The following SPI1 variants were observed in gnomAD, a reference collection of about 807,000 sequenced individuals.
The protein encoded by SPI1 is transcription factor PU.1.
In SPI1, 3 loss-of-function variants were observed where a neutral mutation model predicts 30.7. The ratio of observed to expected loss-of-function variants is 0.10; its 90% CI spans 0.04 to 0.25. The LOEUF is 0.25. Among genes scored for constraint, SPI1 ranks in the 10% least tolerant of loss-of-function variants. The pLI is 1.00. For missense variants in SPI1, 261 were observed against 371.5 expected, an observed-to-expected ratio of 0.70 and a Z score of 2.45; for synonymous variants, 169 against 157.1, an observed-to-expected ratio of 1.08 and a Z score of -0.56.
chr11:47,369,062 A>G (rs113778582), intron 2 of SPI1, among the ~76,000 whole-genome samples: 2 of 152,124 alleles, frequency 1.3e-5, no homozygotes, highest in African/African-American at 2.4e-5. Context: ...CCTGGCCAAC[A>G]TGGTGAAACC....
Position 47,375,825 on chromosome 11 carries a change from G to A in SPI1, c.46-96C>T, listed in dbSNP as rs1018862236. On this transcript the variant is annotated intron_variant, in intron 1 of 4. Transcript: ENST00000378538. This position sits in a 1 kb window ranked among gnomAD's most constrained non-coding sequence, Gnocchi z 4.2. ...ACGCTGGGTCCCCATCACCTTCCCT[G>A]GCTCAGTGGCTGCGTTGGACCTACA... 1.7e-5 allele frequency: 16 copies of A among 950,270 alleles called. No homozygotes were observed. In the East Asian group the frequency reaches 1.7e-4, roughly 10 times the overall value. The allele number at this position is 950,270 out of a possible 1,614,324, so 58.9% of individuals were successfully genotyped here.
rs114463748 is a variant in SPI1 at position 47,374,526 on chromosome 11, G to A, written c.142+1107C>T. 8.1e-4 allele frequency among the ~76,000 whole-genome samples: 123 copies of A among 152,318 alleles called. No homozygotes were observed. Among genetic ancestry groups the A allele is most frequent in the African/African-American group, 2.9e-3 (119 of 41,568 alleles). ...GCCACAGGTGCATCTGCAGAATGGA[G>A]CTACAGGCATGACTGGCCGCAGGGG... On this transcript the variant is annotated intron_variant, in intron 2 of 4. Coordinates refer to ENST00000378538, the MANE Select transcript of SPI1 (RefSeq NM_003120.3). This position sits in a 1 kb window ranked among gnomAD's most constrained non-coding sequence, Gnocchi z 4.5.
chr11:47,357,170 A>T, intron 4 of SPI1, among the ~76,000 whole-genome samples: 1 of 144,302 alleles, frequency 6.9e-6, no homozygotes, highest in Non-Finnish European at 1.5e-5. Flanking sequence ...ACATGCTCAC[A>T]TCTCACACCC....
intron 4 of SPI1, chr11:47,358,119 TCA>T (rs762715665): frequency 5.6e-5 from 11 of 196,464 alleles, no homozygotes; most frequent in Non-Finnish European, 1.2e-4. Context: ...ACCTTCCTGC[TCA>T]CACACACCTG....
At chr11:47,369,560 G>GAGAGA (rs113307275) in intron 2 of SPI1, among the ~76,000 whole-genome samples, 4 of 137,568 alleles carry the variant, frequency 2.9e-5, no homozygotes, top group South Asian at 4.6e-4. Context: ...GAGAGAGAGA[G>GAGAGA]AAAAAAAAAA....
intron 4 of SPI1, among the ~76,000 whole-genome samples, chr11:47,356,679 T>G (rs1377599216): frequency 6.6e-6 from 1 of 150,716 alleles, no homozygotes; most frequent in Non-Finnish European, 1.5e-5. Flanking sequence ...CCTCACACCT[T>G]ACATTGCTCA....
At chr11:47,362,833 C>A (rs1015406980) in intron 2 of SPI1, among the ~76,000 whole-genome samples, 4 of 151,760 alleles carry the variant, frequency 2.6e-5, no homozygotes, top group Admixed American at 6.6e-5. Context: ...CTCAGCCTCC[C>A]AAAGTGCTGG....
chr11:47,356,860 A>C (rs565338289), intron 4 of SPI1, among the ~76,000 whole-genome samples: 2 of 148,596 alleles, frequency 1.3e-5, no homozygotes, highest in East Asian at 4.0e-4. Context: ...ACACCTGCTC[A>C]CACACATCTC....
rs1341491720 is a variant in SPI1, at chr11:47,355,422, C to T, written c.618G>A (p.Lys206=). The part of the protein sequence containing the change: ...KGTFQFSSKH[K]EALAHRWGIQ... Reference sequence around the variant, plus strand: ...TGCCCCAGCGGTGCGCCAGCGCCTCCTTGTGCTTGGACGAGAACTGGAAGG... The same window carrying T: ...TGCCCCAGCGGTGCGCCAGCGCCTCTTTGTGCTTGGACGAGAACTGGAAGG... The change falls in exon 5 of 5, where the codon AAG becomes AAA. Residue 206 remains lysine, a synonymous_variant. Coordinates refer to ENST00000378538, the MANE Select transcript of SPI1 (RefSeq NM_003120.3). 6 of 1,613,846 alleles carry T rather than the reference C, an allele frequency of 3.7e-6. No individual in the cohort carries two copies. The South Asian group carries it at 5.5e-5, about 15-fold the overall frequency.
intron 2 of SPI1, among the ~76,000 whole-genome samples, chr11:47,370,138 C>T (rs1485098568): frequency 6.6e-6 from 1 of 152,246 alleles, no homozygotes; most frequent in African/African-American, 2.4e-5. Context: ...GACAGTGGCT[C>T]ACGCCTGTAA....
chr11:47,378,122 C>A (rs546870659), intron 1 of SPI1, among the ~76,000 whole-genome samples, 187 bp downstream of exon 1: 1 of 152,396 alleles, frequency 6.6e-6, no homozygotes, highest in African/African-American at 2.4e-5. Context: ...CTCAGCCCGC[C>A]AGGGCATGCT....
chr11:47,368,772 A>G (rs1373871802), intron 2 of SPI1, among the ~76,000 whole-genome samples: 1 of 152,166 alleles, frequency 6.6e-6, no homozygotes, highest in Non-Finnish European at 1.5e-5. Context: ...GGGGAGGGAA[A>G]ATGAGCTGTT....
In SPI1 at chr11:47,359,754, TGAGTTGGGTAAGAGCC is replaced by T; in HGVS notation, c.330+83_330+98del. On this transcript the variant is annotated intron_variant, in intron 3 of 4. Coordinates refer to ENST00000378538, the MANE Select transcript of SPI1 (RefSeq NM_003120.3). The surrounding 1 kb of genome is among the most constrained non-coding windows in gnomAD (Gnocchi z 5.1). Reference sequence around the variant, plus strand: ...CCGTTGGCACTGTGGGGCAGGAAGCTGAGTTGGGTAAGAGCCTGTGTCAGCTTCCTGTGAAGCTCCC... The same window carrying T: ...CCGTTGGCACTGTGGGGCAGGAAGCTTGTGTCAGCTTCCTGTGAAGCTCCC... 2 of 1,380,342 alleles carry T rather than the reference TGAGTTGGGTAAGAGCC, an allele frequency of 1.4e-6. No individual in the cohort carries two copies. Among genetic ancestry groups the T allele is most frequent in the East Asian group, 4.6e-5 (2 of 43,104 alleles). The allele number at this position is 1,380,342 out of a possible 1,614,324, so 85.5% of individuals were successfully genotyped here.
intron 2 of SPI1, among the ~76,000 whole-genome samples, chr11:47,363,082 C>T (rs1049043845): frequency 2.0e-5 from 3 of 152,336 alleles, no homozygotes; most frequent in Non-Finnish European, 4.4e-5. Context: ...ACCATGTTGT[C>T]ACTGCAGTTG....
In SPI1 at chr11:47,359,915, G is replaced by A; in HGVS notation, c.268C>T (p.Leu90=). 1 of 1,611,086 alleles carries A rather than the reference G, an allele frequency of 6.2e-7. No homozygotes were observed. Among genetic ancestry groups the A allele is most frequent in the South Asian group, 1.1e-5 (1 of 91,078 alleles). The change falls in exon 3 of 5, where the codon CTG becomes TTG. Residue 90 remains leucine, a synonymous_variant. Transcript: ENST00000378538. This position sits in a 1 kb window ranked among gnomAD's most constrained non-coding sequence, Gnocchi z 5.1. The part of the protein sequence containing the change: ...QLQQLYRHME[L]EQMHVLDTPM... ...GTATCGAGGACGTGCATCTGCTCCA[G>A]CTCCATGTGGCGGTAGAGCTGCTGC...
At chr11:47,376,414 G>A (rs2095942345) in intron 1 of SPI1, among the ~76,000 whole-genome samples, 1 of 152,100 alleles carries the variant, frequency 6.6e-6, no homozygotes, top group Non-Finnish European at 1.5e-5. Context: ...GCCTGGGCAA[G>A]AGTGGCACCA....
In SPI1 at chr11:47,359,155, AG is replaced by A; in HGVS notation, c.331-150del. 3 of 690,738 alleles carry A rather than the reference AG, an allele frequency of 4.3e-6. No homozygotes were observed. The allele number at this position is 690,738 out of a possible 1,614,324, so 42.8% of individuals were successfully genotyped here. On this transcript the variant is annotated intron_variant, in intron 3 of 4. Coordinates refer to ENST00000378538, the MANE Select transcript of SPI1 (RefSeq NM_003120.3). The surrounding 1 kb of genome is among the most constrained non-coding windows in gnomAD (Gnocchi z 5.1). ...GACTGGAGGAAGAAGACCAGGGAAA[AG>A]GGGGGCCAGTTGAGGTGCTGCACAT... is the stretch of plus-strand genomic sequence containing the variant.
rs1347295547 is a variant in SPI1, at chr11:47,371,225, T to C, written c.142+4408A>G. Among the ~76,000 whole-genome samples, 133 of 149,860 alleles carry C rather than the reference T, an allele frequency of 8.9e-4. 1 individual carries two copies. Among genetic ancestry groups the C allele is most frequent in the Non-Finnish European group, 1.0e-4 (7 of 67,640 alleles). ...AATACAAAAAACTAGCTGGGCATGG[T>C]GGCACTCGCTTGTAGTTCCAGCTAC... On this transcript the variant is annotated intron_variant, in intron 2 of 4. Coordinates refer to ENST00000378538, the MANE Select transcript of SPI1 (RefSeq NM_003120.3).
At chr11:47,371,515 A>G (rs2095935964) in intron 2 of SPI1, among the ~76,000 whole-genome samples, 2 of 149,436 alleles carry the variant, frequency 1.3e-5, no homozygotes, top group South Asian at 4.3e-4. Context: ...AAAAAATACA[A>G]CATTAGCTGG....
Sources: gnomAD v4.1 joint callset for allele counts (sites outside exome capture counted in the v4.1 genomes callset) on GRCh38, gnomAD v4.1.1 for gene constraint, Gnocchi (gnomAD v3.1) non-coding constraint, MANE v1.5 for transcripts, NCBI Gene and HGNC (gene_info 2026-07-23, HGNC 2026-07-21) for gene names.